PREX2: variants seen among roughly 807,000 people sequenced by gnomAD.
PREX2 encodes phosphatidylinositol 3,4,5-trisphosphate-dependent Rac exchanger 2 protein.
Under a neutral mutation model 203.2 loss-of-function variants are expected in PREX2, and 107 were observed. The ratio of observed to expected loss-of-function variants is 0.53; its 90% CI spans 0.45 to 0.62. The LOEUF is 0.62. Among genes scored for constraint, PREX2 ranks in the 20% least tolerant of loss-of-function variants. The probability of loss-of-function intolerance (pLI) is 0.00; values close to 1 mark genes in which losing one functional copy is unlikely to be tolerated. For synonymous variants in PREX2, 672 were observed against 663.6 expected (o/e 1.01, Z -0.19); for missense variants, 1,777 against 1,955.9 (o/e 0.91, Z 1.72).
chr8:68,032,594 C>G (rs1165537142), intron 6 of PREX2, among the ~76,000 whole-genome samples: 1 of 152,124 alleles, frequency 6.6e-6, no homozygotes, highest in Non-Finnish European at 1.5e-5. Flanking sequence ...GGTTTTCAGG[C>G]CTGGTCCCTT....
chr8:68,183,100 T>A (rs1263421995), intron 35 of PREX2, among the ~76,000 whole-genome samples: 1 of 152,062 alleles, frequency 6.6e-6, no homozygotes, highest in African/African-American at 2.4e-5. Flanking sequence ...AATGCTTGGC[T>A]AAAATGTGAG....
At chr8:68,112,637 A>C (rs925971387) in intron 25 of PREX2, among the ~76,000 whole-genome samples, 1 of 152,136 alleles carries the variant, frequency 6.6e-6, no homozygotes, top group African/African-American at 2.4e-5. Flanking sequence ...ACATTATTAT[A>C]TACATTGGCT....
intron 1 of PREX2, among the ~76,000 whole-genome samples, chr8:67,984,170 T>C (rs887368557): frequency 1.3e-5 from 2 of 152,222 alleles, no homozygotes; most frequent in Non-Finnish European, 2.9e-5. Context: ...AAAGAACTGA[T>C]CACTCCATCT....
At chr8:68,156,175 T>C (rs1047930044) in intron 34 of PREX2, among the ~76,000 whole-genome samples, 1 of 152,134 alleles carries the variant, frequency 6.6e-6, no homozygotes, top group Non-Finnish European at 1.5e-5. Flanking sequence ...ATCTTCCCAC[T>C]TCAGCCTCCT....
At chr8:68,039,228 G>T (rs139588992) in intron 7 of PREX2, among the ~76,000 whole-genome samples, 152 of 152,102 alleles carry the variant, frequency 1.0e-3, no homozygotes, top group African/African-American at 3.5e-3. Context: ...CAAGATCTTT[G>T]TTCACTCTCC....
At chr8:67,973,711 G>A (rs999023402) in intron 1 of PREX2, among the ~76,000 whole-genome samples, 3 of 152,034 alleles carry the variant, frequency 2.0e-5, no homozygotes, top group African/African-American at 7.2e-5. Flanking sequence ...TATGTATGTG[G>A]GTTTTGTGAT....
intron 3 of PREX2, among the ~76,000 whole-genome samples, chr8:68,020,574 CTG>C (rs892178702): frequency 4.5e-4 from 69 of 152,186 alleles, no homozygotes; most frequent in African/African-American, 1.6e-3. Context: ...TGAGCAGACT[CTG>C]TGTTCTTTTT....
At chr8:68,188,426 A>C (rs1353108380) in intron 35 of PREX2, among the ~76,000 whole-genome samples, 1 of 152,242 alleles carries the variant, frequency 6.6e-6, no homozygotes, top group East Asian at 1.9e-4. Flanking sequence ...TGGACCATTA[A>C]AATGAATTTT....
Position 68,229,017 on chromosome 8 carries a change from G to A in PREX2, c.4776-2316G>A, listed in dbSNP as rs1813115489. Among the ~76,000 whole-genome samples the A allele has an allele frequency of 2.0e-5, 3 of 148,798 alleles. No homozygotes were observed. In the Admixed American group the frequency reaches 2.0e-4, roughly 10 times the overall value. ...CTTATTTAGTCAGGAGTTTTTTCCTGTCTGAGACTCAGTTTTCTCATTTGT... is the reference window on the plus strand; with the variant it reads ...CTTATTTAGTCAGGAGTTTTTTCCTATCTGAGACTCAGTTTTCTCATTTGT... On this transcript the variant is annotated intron_variant, in intron 39 of 39. Coordinates refer to ENST00000288368, the MANE Select transcript of PREX2 (RefSeq NM_024870.4).
chr8:67,987,308 A>G (rs905894018), intron 1 of PREX2, among the ~76,000 whole-genome samples: 1 of 152,176 alleles, frequency 6.6e-6, no homozygotes, highest in Non-Finnish European at 1.5e-5. Context: ...TTGGCTATCA[A>G]CGCTAAATAA....
intron 6 of PREX2, among the ~76,000 whole-genome samples, chr8:68,035,786 T>G (rs1808008802): frequency 6.6e-6 from 1 of 152,180 alleles, no homozygotes; most frequent in Admixed American, 6.5e-5. Context: ...AAGGTGATAT[T>G]GCACTAATTC....
In PREX2 at chr8:68,233,733, G is replaced by A. The variant is rs1008891087; in HGVS notation, c.*2355G>A. ...TATCGCGCCCATTTTTAGAGTTGAG[G>A]AACCAAAGCAAAGAATAACCCAGTG... On this transcript the variant is annotated 3_prime_UTR_variant, in exon 40 of 40. Coordinates refer to ENST00000288368, the MANE Select transcript of PREX2 (RefSeq NM_024870.4). 3.9e-5 allele frequency: 6 copies of A among 152,118 alleles called. No homozygotes were observed. The highest frequency in any genetic ancestry group is 1.4e-4 in the African/African-American group (6 of 41,424). The allele number at this position is 152,118 out of a possible 1,614,324, so 9.4% of individuals were successfully genotyped here.
intron 14 of PREX2, among the ~76,000 whole-genome samples, chr8:68,076,685 TCACACACACACA>T (rs57701553): frequency 0.25 from 36,231 of 143,610 alleles, 4,406 homozygotes; most frequent in South Asian, 0.28. Flanking sequence ...AACTCTAAGG[TCACACACACACA>T]CACACACACA....
At chr8:68,074,721 C>G (rs1480761777) in intron 14 of PREX2, among the ~76,000 whole-genome samples, 3 of 152,010 alleles carry the variant, frequency 2.0e-5, no homozygotes, top group African/African-American at 7.2e-5. Context: ...TCTCTTTCTT[C>G]CAAGACTCTG....
intron 14 of PREX2, 53 bp from the exon 15 acceptor site, chr8:68,077,344 C>T: frequency 7.7e-7 from 1 of 1,299,980 alleles, no homozygotes; most frequent in South Asian, 1.2e-5. Context: ...AGCAAAGCTG[C>T]CACAAAGCCT....
chr8:67,977,757 G>A (rs1806149363), intron 1 of PREX2, among the ~76,000 whole-genome samples: 2 of 152,110 alleles, frequency 1.3e-5, no homozygotes, highest in Non-Finnish European at 2.9e-5. Flanking sequence ...ACATAATGAA[G>A]CTTCCATAAA....
chr8:68,024,817 A>T (rs1326902779), intron 4 of PREX2, among the ~76,000 whole-genome samples: 1 of 151,752 alleles, frequency 6.6e-6, no homozygotes, highest in African/African-American at 2.4e-5. Context: ...GTTTTTGGTG[A>T]TTGCTCTAGG....
At chr8:68,088,374 A>G (rs1003030437) in intron 19 of PREX2, among the ~76,000 whole-genome samples, 10 of 152,242 alleles carry the variant, frequency 6.6e-5, no homozygotes, top group African/African-American at 2.4e-4. Flanking sequence ...ACTAGCAACA[A>G]TTGAAGGAAA....
At chr8:68,156,881 A>G (rs911880465) in intron 34 of PREX2, among the ~76,000 whole-genome samples, 4 of 152,028 alleles carry the variant, frequency 2.6e-5, no homozygotes, top group Non-Finnish European at 5.9e-5. Context: ...ATGGATGTAA[A>G]TTTTCCTTAT....
Sources: allele counts gnomAD v4.1 joint callset (sites outside exome capture counted in the v4.1 genomes callset), GRCh38; gene constraint gnomAD v4.1.1; transcripts MANE v1.5; gene names NCBI Gene and HGNC (gene_info 2026-07-23, HGNC 2026-07-21).